The following ADGRB1 variants were observed in gnomAD, a reference collection of about 807,000 sequenced individuals.
ADGRB1 encodes the protein brain-specific angiogenesis inhibitor 1.
In ADGRB1, 36 loss-of-function variants were observed where a neutral mutation model predicts 175.7. That is an observed-to-expected ratio of 0.20 (90% confidence interval 0.16 to 0.27). ADGRB1 has a LOEUF of 0.27. Ranked by LOEUF, ADGRB1 falls within the 10% of genes least tolerant of loss-of-function variation. ADGRB1 has a pLI of 1.00. For missense variants in ADGRB1, 1,731 were observed against 2,255.3 expected (o/e 0.77, Z 4.71); for synonymous variants, 1,054 against 979.4 (o/e 1.08, Z -1.42).
chr8:142,519,761 C>T (rs1280646729), intron 19 of ADGRB1, among the ~76,000 whole-genome samples: 1 of 60,546 alleles, frequency 1.7e-5, no homozygotes, highest in Admixed American at 1.6e-4. Flanking sequence ...TGGTAATGGT[C>T]GTGGTGATGG....
rs1292353733 is a variant in ADGRB1, at chr8:142,541,948, C to T, written c.3714C>T (p.Asn1238=). 1.3e-6 allele frequency: 2 copies of T among 1,550,620 alleles called. No homozygotes were observed. Among genetic ancestry groups the T allele is most frequent in the Non-Finnish European group, 1.7e-6 (2 of 1,150,756 alleles). Residue 1238 remains asparagine (N), a synonymous_variant, in exon 28 of 31, where the codon AAC becomes AAT. Transcript: ENST00000517894. The stretch of plus-strand genomic sequence containing the variant: ...CCCCCGCGGCCCCTGCAGTGCTGAA[C>T]AAGGACATCGCGGCCTGCCGCACTG... ...DVDLACRSVL[N]KDIAACRTAT... is the part of the protein sequence containing the mutation.
intron 1 of ADGRB1, among the ~76,000 whole-genome samples, chr8:142,457,587 A>G (rs1839749944): frequency 6.6e-6 from 1 of 151,970 alleles, no homozygotes; most frequent in Non-Finnish European, 1.5e-5. Flanking sequence ...CCCTTAAGAG[A>G]GGCTTCCGGG....
chr8:142,489,211 AGT>A, intron 15 of ADGRB1, 101 bp downstream of exon 15: 1 of 1,542,174 alleles, frequency 6.5e-7, no homozygotes, highest in Non-Finnish European at 8.9e-7. Context: ...GGCCTGGAGG[AGT>A]GTGGATGATG....
chr8:142,528,563 C>T (rs1315276994), intron 24 of ADGRB1, among the ~76,000 whole-genome samples: 1 of 152,028 alleles, frequency 6.6e-6, no homozygotes, highest in Non-Finnish European at 1.5e-5. Context: ...CCCCGCACCC[C>T]CTCGGGCGCG....
In ADGRB1 at chr8:142,486,741, A is replaced by C. The variant is rs372785852; in HGVS notation, c.2309-1623A>C. Among the ~76,000 whole-genome samples, 4 of 152,360 alleles carry C rather than the reference A, an allele frequency of 2.6e-5. No individual in the cohort carries two copies. In the East Asian group the frequency reaches 5.8e-4, roughly 22 times the overall value. ...ACCTTTTAAATTAAAGACTGAGGTT[A>C]GGCACAGCGGCTCACGCCTGTAATC... On this transcript the variant is annotated intron_variant, in intron 13 of 30. Coordinates refer to ENST00000517894, the MANE Select transcript of ADGRB1 (RefSeq NM_001702.3).
intron 12 of ADGRB1, 92 bp from the exon 13 acceptor site, chr8:142,484,564 A>G (rs1841559850): frequency 7.8e-7 from 1 of 1,285,116 alleles, no homozygotes; most frequent in African/African-American, 1.5e-5. Context: ...GGAAATGGCC[A>G]ATAAGAAAAG....
intron 17 of ADGRB1, among the ~76,000 whole-genome samples, chr8:142,507,347 T>G (rs1015585712): frequency 6.6e-6 from 1 of 152,130 alleles, no homozygotes; most frequent in Admixed American, 6.5e-5. Context: ...ACTGCAGGCC[T>G]GCAGGGTCCC....
intron 2 of ADGRB1, among the ~76,000 whole-genome samples, chr8:142,473,908 G>A (rs1355332551): frequency 1.3e-5 from 2 of 152,236 alleles, no homozygotes; most frequent in East Asian, 3.8e-4. Flanking sequence ...AGGGTGGGGG[G>A]CACTCTGGCT....
chr8:142,522,784 G>A, intron 22 of ADGRB1, 74 bp downstream of exon 22: 1 of 1,359,540 alleles, frequency 7.4e-7, no homozygotes, highest in Non-Finnish European at 9.6e-7. Flanking sequence ...TGGAGGGTGA[G>A]GGCTGGCCAT....
At chr8:142,470,187 G>A (rs1161755358) in intron 2 of ADGRB1, among the ~76,000 whole-genome samples, 1 of 152,208 alleles carries the variant, frequency 6.6e-6, no homozygotes. Flanking sequence ...AGGCTGTCAG[G>A]CCCCTCTCCT....
rs760814473 is a variant in ADGRB1, at chr8:142,524,301, G to A, written c.3309G>A (p.Val1103=). The A allele has an allele frequency of 1.9e-6, 3 of 1,598,102 alleles. No individual in the cohort carries two copies. Among genetic ancestry groups the A allele is most frequent in the Non-Finnish European group, 2.5e-6 (3 of 1,177,896 alleles). ...YAFVGPAAAV[V]LVNMVIGILV... is the part of the protein sequence containing the mutation. Reference sequence around the variant, plus strand: ...TCGTGGGACCTGCCGCTGCCGTTGTGCTGGTACTGACCCGCCCAGGCCCCA... The same window carrying A: ...TCGTGGGACCTGCCGCTGCCGTTGTACTGGTACTGACCCGCCCAGGCCCCA... The change falls in exon 23 of 31, where the codon GTG becomes GTA. Residue 1103 remains valine, a synonymous_variant. Transcript: ENST00000517894.
chr8:142,464,883 GC>G lies in ADGRB1; in HGVS notation c.691del (p.Arg231AlafsTer6). 6.6e-7 allele frequency: 1 copy of G among 1,523,820 alleles called. No homozygotes were observed. The highest frequency in any genetic ancestry group is 8.8e-7 in the Non-Finnish European group (1 of 1,141,180). The allele number at this position is 1,523,820 out of a possible 1,614,324, so 94.4% of individuals were successfully genotyped here. On this transcript the variant is annotated frameshift_variant, in exon 2 of 31. Transcript: ENST00000517894. LOFTEE classifies it high-confidence loss of function. Reference protein sequence around the residue: ...EAGGPAAGPLAPRGDVCLRDA... With the variant: ...EAGGPAAGPLXPRGDVCLRDA... ...GGGCGGCCCTGCCGCGGGACCCCTG[GC>G]CCCCCGCGGGGATGTCTGCTTGAGA...
intron 18 of ADGRB1, among the ~76,000 whole-genome samples, chr8:142,512,531 G>A (rs1337963656): frequency 6.6e-6 from 1 of 152,196 alleles, no homozygotes; most frequent in African/African-American, 2.4e-5. Flanking sequence ...TGCCCCATCT[G>A]CCCCTTCTCC....
In ADGRB1 at chr8:142,510,256, C is replaced by T. The variant is rs1843013708; in HGVS notation, c.2676-676C>T. ...GTCGCGGCCCGTAGACAGCGGGCGG[C>T]TGGGTCAGACCGCAGAGGGAAGTTT... On this transcript the variant is annotated intron_variant, in intron 17 of 30. Coordinates refer to ENST00000517894, the MANE Select transcript of ADGRB1 (RefSeq NM_001702.3). The surrounding 1 kb of genome is among the most constrained non-coding windows in gnomAD (Gnocchi z 6.3). 6.6e-6 allele frequency among the ~76,000 whole-genome samples: 1 copy of T among 151,990 alleles called. No homozygotes were observed. Among genetic ancestry groups the T allele is most frequent in the African/African-American group, 2.4e-5 (1 of 41,380 alleles).
chr8:142,502,460 GCA>G (rs370033373), intron 17 of ADGRB1, among the ~76,000 whole-genome samples: 6,824 of 6,912 alleles, frequency 0.99, 3,385 homozygotes, highest in Middle Eastern at 1. Flanking sequence ...ATGGGGTGGT[GCA>G]GTCATCACTG....
At chr8:142,477,358 G>C (rs1225127793) in intron 5 of ADGRB1, 27 bp from the exon 6 acceptor site, 1 of 1,596,772 alleles carries the variant, frequency 6.3e-7, no homozygotes, top group Admixed American at 1.7e-5. Flanking sequence ...GCCGCAGTGG[G>C]CAGCAGCACC....
chr8:142,507,331 AC>A (rs1371056157), intron 17 of ADGRB1, among the ~76,000 whole-genome samples: 2 of 152,120 alleles, frequency 1.3e-5, no homozygotes, highest in African/African-American at 4.8e-5. Context: ...TGAGGAGGGC[AC>A]CTGCACTGCA....
Position 142,510,106 on chromosome 8 carries a change from G to C in ADGRB1, c.2676-826G>C, listed in dbSNP as rs1052801884. ...AGGAGGAAGAGGAGGAGGTGGAGGA[G>C]GAAGAACAGGAGGAGGAGGTTGGGG... On this transcript the variant is annotated intron_variant, in intron 17 of 30. Coordinates refer to ENST00000517894, the MANE Select transcript of ADGRB1 (RefSeq NM_001702.3). The surrounding 1 kb of genome is among the most constrained non-coding windows in gnomAD (Gnocchi z 6.3). Among the ~76,000 whole-genome samples, 3 of 152,068 alleles carry C rather than the reference G, an allele frequency of 2.0e-5. No individual in the cohort carries two copies. The highest frequency in any genetic ancestry group is 2.0e-4 in the Admixed American group (3 of 15,276).
intron 22 of ADGRB1, among the ~76,000 whole-genome samples, chr8:142,523,850 C>T (rs1211187380): frequency 6.6e-6 from 1 of 152,020 alleles, no homozygotes; most frequent in Non-Finnish European, 1.5e-5. Context: ...GCCTGAGCCC[C>T]AGCATTCAAG....
Sources: allele counts gnomAD v4.1 joint callset (sites outside exome capture counted in the v4.1 genomes callset), GRCh38; gene constraint gnomAD v4.1.1; non-coding constraint Gnocchi (gnomAD v3.1); transcripts MANE v1.5; gene names NCBI Gene and HGNC (gene_info 2026-07-23, HGNC 2026-07-21).